OCM: variants seen among roughly 807,000 people sequenced by gnomAD.
OCM encodes the protein oncomodulin.
Under a neutral mutation model 14.1 loss-of-function variants are expected in OCM, and 18 were observed. That is an observed-to-expected ratio of 1.28 (90% confidence interval 0.88 to 1.89). OCM has a LOEUF of 1.89. OCM is among the 40% of genes most tolerant of loss of function. OCM has a pLI of 0.00. For missense variants in OCM, 140 were observed against 137.6 expected, an observed-to-expected ratio of 1.02 and a Z score of -0.09; for synonymous variants, 48 against 51.0, an observed-to-expected ratio of 0.94 and a Z score of 0.25.
chr7:5,882,391 A>G, intron 1 of OCM, 102 bp from the exon 2 acceptor site: 2 of 1,354,864 alleles, frequency 1.5e-6, no homozygotes, highest in Non-Finnish European at 1.0e-6. Flanking sequence ...TAGCTCAGGG[A>G]TATTGTTGAA....
the OCM span, among the ~76,000 whole-genome samples, chr7:5,867,318 AAAG>A: frequency 6.6e-6 from 1 of 152,178 alleles, no homozygotes. Context: ...TCTCAAAAAA[AAAG>A]AAGAGAAGTC....
chr7:5,879,041 T>A (rs2128606209), upstream of OCM, among the ~76,000 whole-genome samples: 3 of 152,008 alleles, frequency 2.0e-5, no homozygotes, highest in South Asian at 6.2e-4. Context: ...AAAATATGCA[T>A]ATTTAAAAAA....
intron 1 of OCM, among the ~76,000 whole-genome samples, chr7:5,881,732 G>C (rs1240175182): frequency 6.6e-6 from 1 of 152,012 alleles, no homozygotes. Context: ...TAGAGATCTG[G>C]GATCTGAGCA....
the OCM span, among the ~76,000 whole-genome samples, chr7:5,860,206 G>C: frequency 6.6e-6 from 1 of 151,584 alleles, no homozygotes; most frequent in African/African-American, 2.4e-5. Context: ...ATTAAATGTT[G>C]CCTCCAGCTC....
In OCM at chr7:5,882,475, C is replaced by T. The variant is rs778634874; in HGVS notation, c.62-18C>T. 6.2e-7 allele frequency: 1 copy of T among 1,613,520 alleles called. No homozygotes were observed. The highest frequency in any genetic ancestry group is 1.1e-5 in the South Asian group (1 of 91,018). Reference sequence around the variant, plus strand: ...GTGATCCAACAAGCGTCAGAATAACCAATTCTCTGTTCTTCAGACCCAGAC... The same window carrying T: ...GTGATCCAACAAGCGTCAGAATAACTAATTCTCTGTTCTTCAGACCCAGAC... On this transcript the variant is annotated intron_variant, in intron 1 of 3. Transcript: ENST00000242104.
the OCM span, among the ~76,000 whole-genome samples, chr7:5,864,378 C>T: frequency 1.1e-4 from 17 of 151,076 alleles, no homozygotes; most frequent in Non-Finnish European, 1.6e-4. Flanking sequence ...ATGACCTTCA[C>T]GGTGTTCTAA....
At chr7:5,885,928 C>G in intron 3 of OCM, 136 bp from the exon 4 acceptor site, 1 of 660,296 alleles carries the variant, frequency 1.5e-6, no homozygotes, top group Admixed American at 2.9e-5. Context: ...TTCTTTTGTG[C>G]CCTCCAAGGG....
At chr7:5,869,835 T>A in the OCM span, among the ~76,000 whole-genome samples, 1 of 152,232 alleles carries the variant, frequency 6.6e-6, no homozygotes, top group South Asian at 2.1e-4. Flanking sequence ...GGGTCCATCC[T>A]TCCTTCTTGA....
the OCM span, among the ~76,000 whole-genome samples, chr7:5,862,588 C>T: frequency 6.6e-6 from 1 of 152,226 alleles, no homozygotes; most frequent in Non-Finnish European, 1.5e-5. Flanking sequence ...TATTCCCCTA[C>T]TCCCTCTTTT....
chr7:5,882,749 T>C (rs1366875842), intron 2 of OCM, 124 bp downstream of exon 2: 27 of 1,167,198 alleles, frequency 2.3e-5, no homozygotes, highest in Non-Finnish European at 3.1e-5. Context: ...CGGCCAAGCA[T>C]CATTAAAGCA....
chr7:5,879,287 T>A (rs953927410), upstream of OCM, among the ~76,000 whole-genome samples: 14 of 152,184 alleles, frequency 9.2e-5, no homozygotes, highest in Non-Finnish European at 1.8e-4. Context: ...GGGTTGGGGA[T>A]GCTGGTTTGA....
At chr7:5,879,650 G>A (rs1043330033), upstream of OCM, among the ~76,000 whole-genome samples, 7 of 148,652 alleles carry the variant, frequency 4.7e-5, no homozygotes, top group East Asian at 9.9e-4. Context: ...AACAGGGTTC[G>A]TTTGCAGAAT....
intron 2 of OCM, 112 bp downstream of exon 2, chr7:5,882,737 T>C: frequency 1.5e-6 from 2 of 1,304,198 alleles, no homozygotes; most frequent in Non-Finnish European, 2.1e-6. Flanking sequence ...GTGTTGGTCA[T>C]TCGGCCAAGC....
intron 1 of OCM, 105 bp downstream of exon 1, chr7:5,881,055 A>G: frequency 8.7e-7 from 1 of 1,145,726 alleles, no homozygotes; most frequent in South Asian, 1.3e-5. Context: ...GCAGTGGCTC[A>G]CACCTGTAAT....
At chr7:5,862,077 C>T in the OCM span, among the ~76,000 whole-genome samples, 62 of 152,218 alleles carry the variant, frequency 4.1e-4, no homozygotes, top group Middle Eastern at 0.014. Flanking sequence ...TGGCTTTAAT[C>T]TGCATTCTCT....
intron 3 of OCM, among the ~76,000 whole-genome samples, chr7:5,885,842 G>A (rs927290440): frequency 2.0e-5 from 3 of 151,990 alleles, no homozygotes; most frequent in African/African-American, 7.2e-5. Context: ...ATCTCATGAT[G>A]TCATGATCCA....
chr7:5,876,520 C>A (rs980458258), upstream of OCM, among the ~76,000 whole-genome samples: 1 of 152,108 alleles, frequency 6.6e-6, no homozygotes, highest in African/African-American at 2.4e-5. Context: ...CTTCTTTTTG[C>A]TATTTTTATT....
intron 3 of OCM, among the ~76,000 whole-genome samples, chr7:5,884,909 C>T (rs561371717): frequency 1.3e-5 from 2 of 152,054 alleles, no homozygotes; most frequent in South Asian, 2.1e-4. Context: ...CCCCTGAAGT[C>T]GGGAGTTCAA....
At chr7:5,863,475 A>T in the OCM span, among the ~76,000 whole-genome samples, 1 of 151,826 alleles carries the variant, frequency 6.6e-6, no homozygotes, top group Admixed American at 6.6e-5. Context: ...GGTGGCAGGA[A>T]TGGAATCCAG....
Sources: gnomAD v4.1 joint callset for allele counts (sites outside exome capture counted in the v4.1 genomes callset) on GRCh38, gnomAD v4.1.1 for gene constraint, MANE v1.5 for transcripts, NCBI Gene and HGNC (gene_info 2026-07-23, HGNC 2026-07-21) for gene names.